Variants in MBOAT1 observed in about 807,000 individuals in gnomAD.
The protein encoded by MBOAT1 is membrane-bound glycerophospholipid O-acyltransferase 1.
In MBOAT1, 67 loss-of-function variants were observed where a neutral mutation model predicts 64.4. The observed-to-expected ratio is 1.04, with a 90% CI of 0.85 to 1.27. The LOEUF is 1.27. Among genes scored for constraint, MBOAT1 ranks in the 50% most tolerant of loss-of-function variants. The pLI, the probability that MBOAT1 is intolerant of heterozygous loss-of-function variation, is 0.00. For synonymous variants in MBOAT1, 229 were observed against 218.9 expected (o/e 1.05, Z -0.41); for missense variants, 563 against 604.6 (o/e 0.93, Z 0.72).
intron 11 of MBOAT1, among the ~76,000 whole-genome samples, chr6:20,111,847 C>CATATATATATACATATATATAG (rs1760163671): frequency 1.3e-5 from 1 of 76,068 alleles, no homozygotes; most frequent in South Asian, 4.7e-4. Flanking sequence ...CATATATATA[C>CATATATATATACATATATATAG]ATATATATAT....
At chr6:20,204,781 G>A (rs535757687) in intron 1 of MBOAT1, among the ~76,000 whole-genome samples, 112 of 152,332 alleles carry the variant, frequency 7.4e-4, no homozygotes, top group Non-Finnish European at 1.4e-3. Context: ...AATGGTGCTG[G>A]AATGCAGTGC....
rs111864186 is a variant in MBOAT1, at chr6:20,165,691, C to T, written c.100-12922G>A. 6.0e-3 allele frequency among the ~76,000 whole-genome samples: 911 copies of T among 151,706 alleles called. 12 individuals are homozygous for T. Among genetic ancestry groups the T allele is most frequent in the African/African-American group, 0.021 (865 of 41,352 alleles). ...CCAGGAGGCGGAGGCTGCAGTGAGC[C>T]GCGATCGTGCCAGTGCACTCCAGCC... is the stretch of plus-strand genomic sequence containing the variant. On this transcript the variant is annotated intron_variant, in intron 1 of 12. Transcript: ENST00000324607.
In MBOAT1 at chr6:20,101,563, A is replaced by G. The variant is rs1261298376; in HGVS notation, c.*723T>C. ...TCCCAGGGAACCACTATGACTGAGT[A>G]TATTCTGATTTGAGAAACCTGTGAC... On this transcript the variant is annotated 3_prime_UTR_variant, in exon 13 of 13. Coordinates refer to ENST00000324607, the MANE Select transcript of MBOAT1 (RefSeq NM_001080480.3). Among the ~76,000 whole-genome samples, 1 of 152,180 alleles carries G rather than the reference A, an allele frequency of 6.6e-6. No individual in the cohort carries two copies. The highest frequency in any genetic ancestry group is 6.5e-5 in the Admixed American group (1 of 15,284).
At position 20,132,002 on chromosome 6, in the gene MBOAT1, C is replaced by G. The variant is rs143573198; in HGVS notation, c.420-803G>C. ...GGCTCAAGCAATCCTCTCACCTCAG[C>G]CTCCCAAGTAGTTGGGATTACAGGT... On this transcript the variant is annotated intron_variant, in intron 4 of 12. Transcript: ENST00000324607. 4.4e-3 allele frequency among the ~76,000 whole-genome samples: 665 copies of G among 152,272 alleles called. 1 individual carries two copies. Among genetic ancestry groups the G allele is most frequent in the African/African-American group, 0.015 (621 of 41,552 alleles).
intron 1 of MBOAT1, among the ~76,000 whole-genome samples, chr6:20,163,735 G>A (rs1389866567): frequency 1.3e-5 from 2 of 152,148 alleles, no homozygotes; most frequent in Admixed American, 1.3e-4. Flanking sequence ...CCAGAACTCA[G>A]GTGTCCTGAC....
chr6:20,189,890 T>G (rs1413190159), intron 1 of MBOAT1, among the ~76,000 whole-genome samples: 2 of 152,224 alleles, frequency 1.3e-5, no homozygotes, highest in Non-Finnish European at 2.9e-5. Context: ...TAAGTAGTAT[T>G]CCACTATTTA....
At position 20,212,223 on chromosome 6, in the gene MBOAT1, C is replaced by T; in HGVS notation, c.12G>A (p.Glu4=). The T allele has an allele frequency of 6.2e-7, 1 of 1,612,382 alleles. No homozygotes were observed. Among genetic ancestry groups the T allele is most frequent in the East Asian group, 2.2e-5 (1 of 44,842 alleles). The change falls in exon 1 of 13, where the codon GAG becomes GAA. Residue 4 remains glutamate, a synonymous_variant. Transcript: ENST00000324607. MAA[E]PQPSSLSYRT... ...GGTAGGAAAGGCTGGACGGCTGCGGCTCTGCTGCCATCCTGCATCTTCGGG... is the reference window on the plus strand; with the variant it reads ...GGTAGGAAAGGCTGGACGGCTGCGGTTCTGCTGCCATCCTGCATCTTCGGG...
intron 1 of MBOAT1, among the ~76,000 whole-genome samples, chr6:20,154,742 C>T (rs1761626398): frequency 6.6e-6 from 1 of 152,092 alleles, no homozygotes; most frequent in African/African-American, 2.4e-5. Context: ...CACACAAACA[C>T]AAAATGTATA....
At chr6:20,131,368 G>C (rs1414580606) in intron 4 of MBOAT1, among the ~76,000 whole-genome samples, 169 bp from the exon 5 acceptor site, 4 of 152,230 alleles carry the variant, frequency 2.6e-5, no homozygotes, top group African/African-American at 9.6e-5. Context: ...CCTCCATGCT[G>C]TTCTCGTGAT....
chr6:20,157,200 G>A (rs187114444), intron 1 of MBOAT1, among the ~76,000 whole-genome samples: 14 of 152,276 alleles, frequency 9.2e-5, no homozygotes, highest in African/African-American at 3.1e-4. Context: ...GCTGAGGCAG[G>A]AGGATTGCTT....
chr6:20,136,238 G>A (rs1362619042), intron 4 of MBOAT1, among the ~76,000 whole-genome samples: 1 of 152,192 alleles, frequency 6.6e-6, no homozygotes, highest in African/African-American at 2.4e-5. Context: ...GAGTTCATTA[G>A]TATCTATTCA....
intron 1 of MBOAT1, among the ~76,000 whole-genome samples, chr6:20,160,707 C>T (rs1199599956): frequency 1.3e-5 from 2 of 152,138 alleles, no homozygotes; most frequent in African/African-American, 4.8e-5. Flanking sequence ...GCATTGCCCC[C>T]TACAAATAAA....
At chr6:20,200,014 A>C (rs559191824) in intron 1 of MBOAT1, among the ~76,000 whole-genome samples, 2 of 152,368 alleles carry the variant, frequency 1.3e-5, no homozygotes, top group South Asian at 2.1e-4. Flanking sequence ...GTTAACATTT[A>C]TTGTATGGGG....
At chr6:20,161,663 T>C (rs757043216) in intron 1 of MBOAT1, among the ~76,000 whole-genome samples, 7 of 151,996 alleles carry the variant, frequency 4.6e-5, no homozygotes, top group Non-Finnish European at 1.0e-4. Context: ...AGGAGGAAAA[T>C]GAAGAACAAA....
At chr6:20,126,389 T>C in intron 7 of MBOAT1, 128 bp downstream of exon 7, 2 of 812,902 alleles carry the variant, frequency 2.5e-6, no homozygotes, top group Non-Finnish European at 3.9e-6. Context: ...TATACTGGTA[T>C]TTTAAATAAA....
intron 3 of MBOAT1, among the ~76,000 whole-genome samples, chr6:20,147,693 T>C (rs1308779786): frequency 6.6e-6 from 1 of 152,020 alleles, no homozygotes; most frequent in Non-Finnish European, 1.5e-5. Flanking sequence ...ATGGGTGTGT[T>C]CACTTTGTGG....
intron 6 of MBOAT1, 60 bp from the exon 7 acceptor site, chr6:20,126,760 T>C: frequency 8.1e-7 from 1 of 1,237,012 alleles, no homozygotes; most frequent in Non-Finnish European, 1.2e-6. Flanking sequence ...CTTCAGAATC[T>C]GTAAATAAGC....
chr6:20,200,863 T>C (rs1386122231), intron 1 of MBOAT1, among the ~76,000 whole-genome samples: 1 of 152,138 alleles, frequency 6.6e-6, no homozygotes, highest in Non-Finnish European at 1.5e-5. Context: ...TGCTTGAACC[T>C]TGAAGGGTGG....
In MBOAT1 at chr6:20,128,771, AT is replaced by A; in HGVS notation, c.476-19del. 6.3e-7 allele frequency: 1 copy of A among 1,577,234 alleles called. No homozygotes were observed. The highest frequency in any genetic ancestry group is 8.6e-7 in the Non-Finnish European group (1 of 1,159,410). On this transcript the variant is annotated intron_variant, in intron 5 of 12. Coordinates refer to ENST00000324607, the MANE Select transcript of MBOAT1 (RefSeq NM_001080480.3). ...ACCTAATCCTATGAAAAAGAAAAGA[AT>A]TTAGAAATAAGATGTTTGAAGTGAA...
Sources: gnomAD v4.1 joint callset for allele counts (sites outside exome capture counted in the v4.1 genomes callset) on GRCh38, gnomAD v4.1.1 for gene constraint, MANE v1.5 for transcripts, NCBI Gene and HGNC (gene_info 2026-07-23, HGNC 2026-07-21) for gene names.